SLC35D4: variants seen among roughly 807,000 people sequenced by gnomAD.
The protein encoded by SLC35D4 is solute carrier family 35 member D4, also known as UDP-N-acetylglucosamine transporter SLC35D4.
chr18:23,367,290 G>A, the SLC35D4 span, among the ~76,000 whole-genome samples: 1 of 1,542 alleles, frequency 6.5e-4, no homozygotes, highest in African/African-American at 8.6e-4. Context: ...ACCAAAGCAG[G>A]CCATTCAGCG....
the SLC35D4 span, among the ~76,000 whole-genome samples, chr18:23,277,462 T>A: frequency 2.0e-5 from 3 of 152,192 alleles, no homozygotes; most frequent in Non-Finnish European, 4.4e-5. Flanking sequence ...AATTTCCCAG[T>A]CTTGGGTATG....
chr18:23,317,530 A>C, the SLC35D4 span, among the ~76,000 whole-genome samples: 1 of 152,166 alleles, frequency 6.6e-6, no homozygotes, highest in Non-Finnish European at 1.5e-5. Context: ...GGAATATTTA[A>C]TACTTATTGA....
the SLC35D4 span, among the ~76,000 whole-genome samples, chr18:23,277,444 C>T: frequency 1.2e-4 from 19 of 152,332 alleles, no homozygotes; most frequent in African/African-American, 4.3e-4. Flanking sequence ...AATTAAACCT[C>T]TTTTGTAAAT....
the SLC35D4 span, among the ~76,000 whole-genome samples, chr18:23,279,229 G>A: frequency 6.6e-6 from 1 of 152,098 alleles, no homozygotes; most frequent in Non-Finnish European, 1.5e-5. Flanking sequence ...CAGGTGAGAA[G>A]CAGGAAGAAG....
the SLC35D4 span, among the ~76,000 whole-genome samples, chr18:23,340,791 A>T: frequency 7.2e-5 from 11 of 152,184 alleles, no homozygotes; most frequent in Non-Finnish European, 1.6e-4. Context: ...CTGGCTCCTC[A>T]GGCCCCACAA....
the SLC35D4 span, among the ~76,000 whole-genome samples, chr18:23,414,670 C>T: frequency 6.7e-6 from 1 of 149,656 alleles, no homozygotes; most frequent in African/African-American, 2.5e-5. Context: ...GAAACTCCAT[C>T]TCAAAAAAAA....
the SLC35D4 span, among the ~76,000 whole-genome samples, chr18:23,274,686 C>T: frequency 6.6e-6 from 1 of 152,228 alleles, no homozygotes; most frequent in Non-Finnish European, 1.5e-5. Flanking sequence ...CCCTAGTCCA[C>T]CAGGCCCCAG....
chr18:23,421,571 A>C, the SLC35D4 span: 4 of 725,210 alleles, frequency 5.5e-6, no homozygotes, highest in South Asian at 1.7e-5. Flanking sequence ...CTTTTCTCCT[A>C]CTCTCTCCCA....
the SLC35D4 span, among the ~76,000 whole-genome samples, chr18:23,371,939 T>TTTTTTTTTTTG: frequency 3.1e-4 from 7 of 22,436 alleles, no homozygotes; most frequent in South Asian, 5.0e-3. Context: ...TTTTTTGTTT[T>TTTTTTTTTTTG]TTTTTTTTTT....
At chr18:23,287,357 A>C in the SLC35D4 span, among the ~76,000 whole-genome samples, 87 of 147,452 alleles carry the variant, frequency 5.9e-4, no homozygotes, top group South Asian at 1.6e-3. Flanking sequence ...CTTCGCTTTC[A>C]CTTGGACTGA....
chr18:23,280,116 T>G, the SLC35D4 span, among the ~76,000 whole-genome samples: 1 of 152,244 alleles, frequency 6.6e-6, no homozygotes. Flanking sequence ...TGGGCATTTG[T>G]GCACAGGGCC....
At chr18:23,400,496 G>A in the SLC35D4 span, among the ~76,000 whole-genome samples, 6 of 152,064 alleles carry the variant, frequency 3.9e-5, no homozygotes, top group Middle Eastern at 3.4e-3. Context: ...TGGTGGTGGC[G>A]AGCACCTATA....
At chr18:23,289,382 A>G in the SLC35D4 span, among the ~76,000 whole-genome samples, 271 of 152,254 alleles carry the variant, frequency 1.8e-3, no homozygotes, top group South Asian at 3.5e-3. Context: ...TAGTTTTTCA[A>G]TTCATACAAA....
the SLC35D4 span, among the ~76,000 whole-genome samples, chr18:23,376,524 T>C: frequency 6.6e-6 from 1 of 152,106 alleles, no homozygotes; most frequent in East Asian, 1.9e-4. Flanking sequence ...ACAAATGACC[T>C]AGAGAAGAAT....
At chr18:23,437,810 A>G in the SLC35D4 span, 2 of 1,612,448 alleles carry the variant, frequency 1.2e-6, no homozygotes, top group Non-Finnish European at 1.7e-6. Flanking sequence ...GCCAGGTAGC[A>G]GGTACAAAAG....
At chr18:23,241,288 G>A in the SLC35D4 span, among the ~76,000 whole-genome samples, 1 of 151,980 alleles carries the variant, frequency 6.6e-6, no homozygotes, top group African/African-American at 2.4e-5. Context: ...TTGGGAGGCC[G>A]AGGTGGGTAA....
chr18:23,305,530 A>G, the SLC35D4 span, among the ~76,000 whole-genome samples: 1 of 152,190 alleles, frequency 6.6e-6, no homozygotes, highest in Admixed American at 6.5e-5. Context: ...GATGACTTGG[A>G]AGAGTGTTAT....
At chr18:23,385,520 A>G in the SLC35D4 span, among the ~76,000 whole-genome samples, 3 of 152,254 alleles carry the variant, frequency 2.0e-5, no homozygotes, top group African/African-American at 7.2e-5. Flanking sequence ...AACAAAAAGC[A>G]GGGAGGTGGC....
chr18:23,268,088 C>G, the SLC35D4 span, among the ~76,000 whole-genome samples: 1 of 152,278 alleles, frequency 6.6e-6, no homozygotes, highest in African/African-American at 2.4e-5. Flanking sequence ...AGAGAGCAGG[C>G]CTTTTATCTT....
Sources: gnomAD v4.1 joint callset for allele counts (sites outside exome capture counted in the v4.1 genomes callset) on GRCh38, gnomAD v4.1.1 for gene constraint, MANE v1.5 for transcripts, NCBI Gene and HGNC (gene_info 2026-07-23, HGNC 2026-07-21) for gene names.